Variants in ITPR1 observed in about 807,000 individuals in gnomAD.
ITPR1 encodes inositol 1,4,5-trisphosphate-gated calcium channel ITPR1.
ITPR1 carries 96 observed loss-of-function variants against 318.4 expected under a neutral mutation model. That is an observed-to-expected ratio of 0.30 (90% CI 0.26 to 0.36). The LOEUF (loss-of-function observed/expected upper bound fraction) is 0.36, where lower values mean the gene tolerates loss of function less well. Ranked by LOEUF, ITPR1 falls within the 10% of genes least tolerant of loss-of-function variation. ITPR1 has a pLI of 1.00. For missense variants in ITPR1, 2,440 were observed against 3,460.2 expected (o/e 0.71, Z 7.40); for synonymous variants, 1,312 against 1,289.9 (o/e 1.02, Z -0.37).
At chr3:4,798,756 G>C (rs573673863) in intron 53 of ITPR1, among the ~76,000 whole-genome samples, 1 of 152,260 alleles carries the variant, frequency 6.6e-6, no homozygotes, top group African/African-American at 2.4e-5. Flanking sequence ...GCAATAAAAA[G>C]TACAAAGTAT....
chr3:4,819,050 G>T (rs1246898398), intron 60 of ITPR1, among the ~76,000 whole-genome samples: 1 of 152,184 alleles, frequency 6.6e-6, no homozygotes, highest in Non-Finnish European at 1.5e-5. Flanking sequence ...AGTTACCAAG[G>T]ACTTGAGTGC....
At chr3:4,687,541 A>G (rs966890933) in intron 30 of ITPR1, among the ~76,000 whole-genome samples, 15 of 152,296 alleles carry the variant, frequency 9.8e-5, no homozygotes, top group African/African-American at 3.6e-4. Context: ...CTTGCCTCTG[A>G]AATGAGGTGA....
At chr3:4,614,574 C>G (rs2092309658) in intron 4 of ITPR1, among the ~76,000 whole-genome samples, 1 of 152,214 alleles carries the variant, frequency 6.6e-6, no homozygotes, top group Admixed American at 6.5e-5. Flanking sequence ...AATCATACAG[C>G]TCACATGTGA....
At chr3:4,547,725 A>C (rs116793168) in intron 4 of ITPR1, among the ~76,000 whole-genome samples, 1 of 152,174 alleles carries the variant, frequency 6.6e-6, no homozygotes, top group African/African-American at 2.4e-5. Flanking sequence ...CTTCATATGC[A>C]GTTACACTGG....
chr3:4,729,926 CTTTT>C (rs35734322), intron 42 of ITPR1, among the ~76,000 whole-genome samples: 4 of 144,052 alleles, frequency 2.8e-5, no homozygotes, highest in Non-Finnish European at 1.5e-5. Context: ...TTTTAGAAGT[CTTTT>C]TTTTTTTTTT....
chr3:4,839,052 G>A (rs959591020), intron 61 of ITPR1, among the ~76,000 whole-genome samples: 5 of 152,260 alleles, frequency 3.3e-5, no homozygotes, highest in African/African-American at 1.2e-4. Context: ...ATAGTGCCGG[G>A]CGTGGTGGCT....
chr3:4,638,796 T>C (rs564195997), intron 5 of ITPR1, among the ~76,000 whole-genome samples: 1 of 152,310 alleles, frequency 6.6e-6, no homozygotes, highest in Non-Finnish European at 1.5e-5. Context: ...ATTATAAAAT[T>C]GATTACATTA....
chr3:4,747,418 C>T (rs977588997), intron 44 of ITPR1, among the ~76,000 whole-genome samples: 4 of 152,174 alleles, frequency 2.6e-5, no homozygotes, highest in Non-Finnish European at 5.9e-5. Context: ...TCTACCATGC[C>T]GCCTCCTTAC....
At chr3:4,616,606 A>G (rs1245838254) in intron 4 of ITPR1, among the ~76,000 whole-genome samples, 1 of 152,198 alleles carries the variant, frequency 6.6e-6, no homozygotes, top group African/African-American at 2.4e-5. Context: ...TGAATGAAGA[A>G]TTTTTAAAAC....
At chr3:4,697,514 C>A (rs1277635267) in intron 34 of ITPR1, among the ~76,000 whole-genome samples, 3 of 135,882 alleles carry the variant, frequency 2.2e-5, no homozygotes, top group Non-Finnish European at 4.6e-5. Context: ...TGCAGTGGCA[C>A]AATCTCAGTT....
chr3:4,583,634 T>G (rs2089583873), intron 4 of ITPR1, among the ~76,000 whole-genome samples: 1 of 152,226 alleles, frequency 6.6e-6, no homozygotes, highest in Non-Finnish European at 1.5e-5. Flanking sequence ...CTCCTTGGCT[T>G]TTAGCTTTCA....
At chr3:4,621,814 G>A (rs2092646751) in intron 4 of ITPR1, among the ~76,000 whole-genome samples, 1 of 152,220 alleles carries the variant, frequency 6.6e-6, no homozygotes. Context: ...TGCCTGAGGG[G>A]CTTGGCCCGA....
At chr3:4,778,333 C>T (rs1012391719) in intron 48 of ITPR1, among the ~76,000 whole-genome samples, 2 of 152,190 alleles carry the variant, frequency 1.3e-5, no homozygotes, top group Admixed American at 1.3e-4. Flanking sequence ...GATTTGTCCT[C>T]TATCTGCCCA....
chr3:4,555,954 C>G (rs561637087), intron 4 of ITPR1, among the ~76,000 whole-genome samples: 33 of 152,288 alleles, frequency 2.2e-4, no homozygotes, highest in African/African-American at 7.7e-4. Flanking sequence ...ACAAGCACTT[C>G]AGCTCCAGGG....
chr3:4,846,306 C>A lies in ITPR1; in HGVS notation c.*81C>A. The A allele has an allele frequency of 1.1e-6, 1 of 897,950 alleles. No individual in the cohort carries two copies. The highest frequency in any genetic ancestry group is 1.8e-6 in the Non-Finnish European group (1 of 567,158). The allele number at this position is 897,950 out of a possible 1,614,324, so 55.6% of individuals were successfully genotyped here. A position where few individuals can be genotyped will look rare whatever the true frequency, so the allele number is the denominator to read the frequency against. On this transcript the variant is annotated 3_prime_UTR_variant, in exon 62 of 62. Transcript: ENST00000649015. ...TGGCTAATGAGTTCTGATTCACCCA[C>A]GAAGGTTACATTTATGCTGAATACA...
intron 20 of ITPR1, among the ~76,000 whole-genome samples, chr3:4,672,219 A>G (rs1354704644): frequency 2.0e-5 from 3 of 152,212 alleles, no homozygotes; most frequent in Non-Finnish European, 2.9e-5. Context: ...AGCTTTACTA[A>G]GCAATTCTAA....
At chr3:4,660,527 A>G (rs950660860) in intron 13 of ITPR1, among the ~76,000 whole-genome samples, 1 of 151,740 alleles carries the variant, frequency 6.6e-6, no homozygotes, top group Non-Finnish European at 1.5e-5. Flanking sequence ...ATATTTTGTT[A>G]TATGATTCAA....
chr3:4,820,382 G>A (rs2049616625), intron 60 of ITPR1, among the ~76,000 whole-genome samples: 3 of 152,150 alleles, frequency 2.0e-5, no homozygotes. Flanking sequence ...CCAGGGGCCA[G>A]TTTTGAAGTT....
chr3:4,605,627 A>G (rs1197586451), intron 4 of ITPR1, among the ~76,000 whole-genome samples: 2 of 152,178 alleles, frequency 1.3e-5, no homozygotes, highest in Non-Finnish European at 2.9e-5. Context: ...AAAGAATATG[A>G]ATGATCAAGC....
Sources: allele counts gnomAD v4.1 joint callset (sites outside exome capture counted in the v4.1 genomes callset), GRCh38; gene constraint gnomAD v4.1.1; transcripts MANE v1.5; gene names NCBI Gene and HGNC (gene_info 2026-07-23, HGNC 2026-07-21).